Variants in SPATC1 observed in about 807,000 individuals in gnomAD.
SPATC1 encodes spermatogenesis and centriole associated 1.
Under a neutral mutation model 36.5 loss-of-function variants are expected in SPATC1, and 35 were observed. That is an observed-to-expected ratio of 0.96 (90% CI 0.73 to 1.27). SPATC1 has a LOEUF of 1.27. Ranked by LOEUF, SPATC1 falls within the 50% of genes most tolerant of loss-of-function variation. The probability of loss-of-function intolerance (pLI) is 0.00; values close to 1 mark genes in which losing one functional copy is unlikely to be tolerated. For synonymous variants in SPATC1, 361 were observed against 353.6 expected, an observed-to-expected ratio of 1.02 and a Z score of -0.24; for missense variants, 779 against 796.0, an observed-to-expected ratio of 0.98 and a Z score of 0.26.
At chr8:144,043,931 G>A (rs961317544) in intron 4 of SPATC1, among the ~76,000 whole-genome samples, 1 of 152,128 alleles carries the variant, frequency 6.6e-6, no homozygotes, top group African/African-American at 2.4e-5. Flanking sequence ...ACACGGTCAC[G>A]TGTGCACTCC....
At chr8:144,020,226 GCTGTTCTCTCAGGACA>G (rs1356590079) in intron 1 of SPATC1, among the ~76,000 whole-genome samples, 148 of 119,286 alleles carry the variant, frequency 1.2e-3, no homozygotes, top group African/African-American at 4.5e-3. Context: ...CCCTCAGGAG[GCTGTTCTCTCAGGACA>G]CTCTTCCCTG....
chr8:144,035,048 T>C (rs1834870484), intron 1 of SPATC1, among the ~76,000 whole-genome samples: 3 of 152,384 alleles, frequency 2.0e-5, no homozygotes, highest in Admixed American at 1.3e-4. Flanking sequence ...CAAGCTATTA[T>C]ACATTTGAAC....
chr8:144,041,122 G>T lies in SPATC1; in HGVS notation c.1306+15G>T, dbSNP rs368097324. On this transcript the variant is annotated intron_variant, in intron 3 of 4. Transcript: ENST00000377470. ...GAACCCCCGAGGTCAGTGACACTGC[G>T]GGCTCCACGCGGGTCGGGCCCCCAG... The T allele has an allele frequency of 3.8e-6, 6 of 1,579,960 alleles. No individual in the cohort carries two copies. The highest frequency in any genetic ancestry group is 5.2e-6 in the Non-Finnish European group (6 of 1,161,550).
chr8:144,034,645 C>T (rs973670837), intron 1 of SPATC1, among the ~76,000 whole-genome samples: 14 of 151,398 alleles, frequency 9.2e-5, no homozygotes, highest in Admixed American at 2.0e-4. Flanking sequence ...TATTTTTAGA[C>T]GGAGCCTCAC....
At position 144,037,820 on chromosome 8, in the gene SPATC1, A is replaced by AT. The variant is rs1254317026; in HGVS notation, c.212-2087dup. Among the ~76,000 whole-genome samples, 6 of 150,676 alleles carry AT rather than the reference A, an allele frequency of 4.0e-5. No individual in the cohort carries two copies. In the South Asian group the frequency reaches 8.3e-4, roughly 21 times the overall value. ...ATGATCAATAAAAATAAATAGATTA[A>AT]TTAAAAAAAAAAAAAAAGAATGAAT... On this transcript the variant is annotated intron_variant, in intron 1 of 4. Transcript: ENST00000377470.
At chr8:144,013,648 G>T (rs1834324036) in intron 1 of SPATC1, among the ~76,000 whole-genome samples, 1 of 152,102 alleles carries the variant, frequency 6.6e-6, no homozygotes, top group African/African-American at 2.4e-5. Flanking sequence ...AGACAACAGA[G>T]AGGGTAAAAA....
Position 144,041,065 on chromosome 8 carries a change from C to G in SPATC1, c.1264C>G (p.Leu422Val). 1.9e-6 allele frequency: 3 copies of G among 1,598,700 alleles called. No individual in the cohort carries two copies. Among genetic ancestry groups the G allele is most frequent in the Non-Finnish European group, 2.6e-6 (3 of 1,172,072 alleles). ...GAGCATGATGGAGGTGGAACGGAAG[C>G]TGGCCCACCGCAAGACCAGCAAGTT... The part of the protein sequence containing the change: ...TKSMMEVERK[L>V]AHRKTSKFPE... Residue 422 changes from leucine to valine, a missense_variant, in exon 3 of 5, where the codon CTG becomes GTG. Leu to Val is a conservative substitution (Grantham distance 32, BLOSUM62 1). Coordinates refer to ENST00000377470, the MANE Select transcript of SPATC1 (RefSeq NM_198572.3).
rs77848111 is a variant in SPATC1 at position 144,046,284 on chromosome 8, C to T, written c.1447-343C>T. 1.9e-3 allele frequency among the ~76,000 whole-genome samples: 294 copies of T among 152,248 alleles called. 1 individual carries two copies. Among genetic ancestry groups the T allele is most frequent in the African/African-American group, 6.8e-3 (283 of 41,536 alleles). ...TGCACCTCCAGATGCCTAGCCACGC[C>T]CCCTGCCCTCAGTCCCTGGAGGCCT... On this transcript the variant is annotated intron_variant, in intron 4 of 4. Transcript: ENST00000377470. The surrounding 1 kb of genome is among the most constrained non-coding windows in gnomAD (Gnocchi z 6.6).
rs554666037 is a variant in SPATC1 at position 144,012,391 on chromosome 8, A to G, written c.-125A>G. On this transcript the variant is annotated 5_prime_UTR_variant, in exon 1 of 5. Transcript: ENST00000377470. ...CACAGCCTCTGACCTCACAATACCCAGGGCCCACTGGGCCAGCCTTGCAGA... is the reference window on the plus strand; with the variant it reads ...CACAGCCTCTGACCTCACAATACCCGGGGCCCACTGGGCCAGCCTTGCAGA... 2.7e-6 allele frequency: 2 copies of G among 752,186 alleles called. No individual in the cohort carries two copies. The highest frequency in any genetic ancestry group is 1.8e-5 in the African/African-American group (1 of 57,076). 46.6% of individuals were successfully genotyped at this position (752,186 alleles called of 1,614,324 possible). A position where few individuals can be genotyped will look rare whatever the true frequency, so the allele number is the denominator to read the frequency against.
At chr8:144,038,454 A>G (rs1213883962) in intron 1 of SPATC1, among the ~76,000 whole-genome samples, 3 of 149,504 alleles carry the variant, frequency 2.0e-5, no homozygotes, top group African/African-American at 4.9e-5. Flanking sequence ...AAACCGCATG[A>G]ATTTTACTTC....
rs373959871 is a variant in SPATC1 at position 144,041,183 on chromosome 8, C to T, written c.1307-49C>T. 47 of 1,607,594 alleles carry T rather than the reference C, an allele frequency of 2.9e-5. No individual in the cohort carries two copies. In the African/African-American group the frequency reaches 6.1e-4, roughly 21 times the overall value. On this transcript the variant is annotated intron_variant, in intron 3 of 4. Transcript: ENST00000377470. Reference sequence around the variant, plus strand: ...TGCCGCCTGCCTGGGCTGCTGAGCCCAGCTCCTCTCACCCTCTCACCTGGG... The same window carrying T: ...TGCCGCCTGCCTGGGCTGCTGAGCCTAGCTCCTCTCACCCTCTCACCTGGG...
Position 144,046,830 on chromosome 8 carries a change from C to T in SPATC1, c.1650C>T (p.Thr550=), listed in dbSNP as rs143371886. 64 of 1,603,482 alleles carry T rather than the reference C, an allele frequency of 4.0e-5. No individual in the cohort carries two copies. The highest frequency in any genetic ancestry group is 1.6e-4 in the Middle Eastern group (1 of 6,084). ...CGGCGTCTGAGGGCGGCCCCTACAC[C>T]GTGGACTTCCTGCAGCGTGTGGTGG... The part of the protein sequence containing the change: ...ELAASEGGPY[T]VDFLQRVVVE... Residue 550 remains threonine (T), a synonymous_variant, in exon 5 of 5, where the codon ACC becomes ACT. Coordinates refer to ENST00000377470, the MANE Select transcript of SPATC1 (RefSeq NM_198572.3). This position sits in a 1 kb window ranked among gnomAD's most constrained non-coding sequence, Gnocchi z 6.6.
intron 1 of SPATC1, among the ~76,000 whole-genome samples, chr8:144,018,590 T>C (rs1834438721): frequency 6.6e-6 from 1 of 152,032 alleles, no homozygotes; most frequent in South Asian, 2.1e-4. Flanking sequence ...TCTCTTCCAC[T>C]ATCCTAGAAG....
chr8:144,016,212 C>T lies in SPATC1; in HGVS notation c.211+3486C>T, dbSNP rs782252935. ...CAGAGGTTGCAGTGAGCCTAGACTA[C>T]GCCATTGCACTCCAGCCTGAGCAAC... On this transcript the variant is annotated intron_variant, in intron 1 of 4. Coordinates refer to ENST00000377470, the MANE Select transcript of SPATC1 (RefSeq NM_198572.3). The surrounding 1 kb of genome is among the most constrained non-coding windows in gnomAD (Gnocchi z 4.5). 1.3e-5 allele frequency among the ~76,000 whole-genome samples: 2 copies of T among 152,070 alleles called. No individual in the cohort carries two copies. The highest frequency in any genetic ancestry group is 4.8e-5 in the African/African-American group (2 of 41,400).
chr8:144,016,612 T>C lies in SPATC1; in HGVS notation c.211+3886T>C, dbSNP rs1554753272. ...AGAAGACACTGATGGTTTTTGTTTG[T>C]TTGTTTGTTTGTTTTTTTGTTTGTT... On this transcript the variant is annotated intron_variant, in intron 1 of 4. Transcript: ENST00000377470. The surrounding 1 kb of genome is among the most constrained non-coding windows in gnomAD (Gnocchi z 4.5). Among the ~76,000 whole-genome samples, 1 of 151,838 alleles carries C rather than the reference T, an allele frequency of 6.6e-6. No individual in the cohort carries two copies. The highest frequency in any genetic ancestry group is 1.5e-5 in the Non-Finnish European group (1 of 67,966).
Position 144,021,597 on chromosome 8 carries a change from C to T in SPATC1, c.211+8871C>T, listed in dbSNP as rs1411965948. 1.3e-3 allele frequency among the ~76,000 whole-genome samples: 181 copies of T among 134,636 alleles called. 4 individuals carry two copies. The highest frequency in any genetic ancestry group is 2.5e-3 in the Non-Finnish European group (150 of 60,986). 88.3% of individuals were successfully genotyped at this position (134,636 alleles called of 152,430 possible). ...ACCCTCTTACCTCAGAACCCTCTCA[C>T]CTCAGGACCCTCTGTCCAGAAGAAC... is the stretch of plus-strand genomic sequence containing the variant. On this transcript the variant is annotated intron_variant, in intron 1 of 4. Transcript: ENST00000377470.
intron 1 of SPATC1, among the ~76,000 whole-genome samples, chr8:144,036,497 G>T (rs1834900876): frequency 6.6e-6 from 1 of 151,882 alleles, no homozygotes; most frequent in Non-Finnish European, 1.5e-5. Context: ...CTAATTTTTG[G>T]ATTTTTTGTA....
At chr8:144,011,036 C>G (rs181521347), upstream of SPATC1, among the ~76,000 whole-genome samples, 313 of 151,846 alleles carry the variant, frequency 2.1e-3, 2 homozygotes, top group African/African-American at 7.3e-3. The surrounding 1 kb of genome is among the most constrained non-coding windows in gnomAD (Gnocchi z 4.5). Context: ...GTCTATTAGA[C>G]GTCTAATAGA....
upstream of SPATC1, among the ~76,000 whole-genome samples, chr8:144,012,260 G>C (rs6985603): frequency 0.44 from 67,502 of 152,178 alleles, 16,054 homozygotes; most frequent in African/African-American, 0.6. Flanking sequence ...TGAAGTTGGC[G>C]AGACAGAGAA....
Sources: gnomAD v4.1 joint callset for allele counts (sites outside exome capture counted in the v4.1 genomes callset) on GRCh38, gnomAD v4.1.1 for gene constraint, Gnocchi (gnomAD v3.1) non-coding constraint, MANE v1.5 for transcripts, NCBI Gene and HGNC (gene_info 2026-07-23, HGNC 2026-07-21) for gene names.